The following MYO5B variants were observed in gnomAD, a reference collection of about 807,000 sequenced individuals.
MYO5B encodes the protein unconventional myosin-Vb.
A neutral mutation model predicts 229.3 loss-of-function variants in MYO5B; 143 were observed. The ratio of observed to expected loss-of-function variants is 0.62; its 90% CI spans 0.54 to 0.72. MYO5B has a LOEUF of 0.72. Ranked by LOEUF, MYO5B falls within the 30% of genes least tolerant of loss-of-function variation. MYO5B has a pLI of 0.00. For missense variants in MYO5B, 2,321 were observed against 2,331.0 expected, an observed-to-expected ratio of 1.00 and a Z score of 0.09; for synonymous variants, 918 against 885.2, an observed-to-expected ratio of 1.04 and a Z score of -0.66.
intron 1 of MYO5B, among the ~76,000 whole-genome samples, chr18:50,151,183 T>G (rs996384257): frequency 6.6e-6 from 1 of 152,128 alleles, no homozygotes; most frequent in African/African-American, 2.4e-5. Flanking sequence ...TTAATCCCAC[T>G]CCCACAGGAA....
At position 49,895,158 on chromosome 18, in the gene MYO5B, G is replaced by A; in HGVS notation, c.2828C>T (p.Thr943Ile). The A allele has an allele frequency of 1.2e-6, 2 of 1,614,022 alleles. No homozygotes were observed. The highest frequency in any genetic ancestry group is 1.7e-6 in the Non-Finnish European group (2 of 1,179,970). ...KIDEQNKEFK[T>I]LSEQLSVTTS... ...GGTCACGGACAACTGCTCTGAAAGT[G>A]TCTTGAACTCTTTGTTCTGTGGAGA... The change falls in exon 22 of 40, where the codon ACA (threonine) becomes ATA (isoleucine). Residue 943 changes from threonine to isoleucine, a missense_variant. Physicochemically the swap from Thr to Ile is moderately conservative, Grantham distance 89 (BLOSUM62 -1). This residue lies in a region of MYO5B where 2,113 missense variants were observed against 2,044.7 expected (regional missense o/e 1.03). Transcript: ENST00000285039.
intron 37 of MYO5B, 135 bp from the exon 38 acceptor site, chr18:49,837,020 G>A: frequency 2.3e-6 from 2 of 860,714 alleles, no homozygotes; most frequent in South Asian, 1.5e-5. Context: ...AGCATGGCAA[G>A]TGCCTTGCAC....
chr18:50,066,550 A>G (rs1265036765), intron 1 of MYO5B, among the ~76,000 whole-genome samples: 10 of 151,686 alleles, frequency 6.6e-5, no homozygotes. Context: ...AATGCTAAGA[A>G]TAGAGAAGAA....
At chr18:50,008,979 C>A (rs2144339014) in intron 4 of MYO5B, among the ~76,000 whole-genome samples, 1 of 152,196 alleles carries the variant, frequency 6.6e-6, no homozygotes, top group Admixed American at 6.5e-5. Context: ...TTCTGTCCAA[C>A]AAAGATACTT....
chr18:49,838,504 G>C (rs905622392), intron 36 of MYO5B, among the ~76,000 whole-genome samples: 1 of 152,196 alleles, frequency 6.6e-6, no homozygotes, highest in Admixed American at 6.5e-5. Context: ...TGTATTTCTA[G>C]ATTGGTCCTT....
intron 27 of MYO5B, among the ~76,000 whole-genome samples, chr18:49,866,291 G>A (rs556304698): frequency 6.6e-6 from 1 of 151,466 alleles, no homozygotes; most frequent in South Asian, 2.1e-4. Flanking sequence ...GGATGGTCTC[G>A]ATCTCCTGAC....
At chr18:50,082,952 C>A (rs1000771888) in intron 1 of MYO5B, among the ~76,000 whole-genome samples, 2 of 152,144 alleles carry the variant, frequency 1.3e-5, no homozygotes, top group Non-Finnish European at 2.9e-5. Flanking sequence ...CACCTGGAGA[C>A]CCCACAGATT....
intron 1 of MYO5B, among the ~76,000 whole-genome samples, chr18:50,161,523 G>C (rs560653244): frequency 6.6e-6 from 1 of 151,308 alleles, no homozygotes; most frequent in Non-Finnish European, 1.5e-5. Context: ...CTAGGGTTTC[G>C]GGGCGGGGTG....
At chr18:49,879,771 G>C (rs906067012) in intron 23 of MYO5B, among the ~76,000 whole-genome samples, 2 of 152,186 alleles carry the variant, frequency 1.3e-5, no homozygotes, top group Non-Finnish European at 2.9e-5. Flanking sequence ...CCACAGCCGA[G>C]TGGCACATGG....
intron 22 of MYO5B, among the ~76,000 whole-genome samples, chr18:49,882,004 G>T (rs988833390): frequency 6.6e-6 from 1 of 152,092 alleles, no homozygotes; most frequent in Non-Finnish European, 1.5e-5. Flanking sequence ...TCACCTTTGC[G>T]CTTGGATCCC....
intron 1 of MYO5B, among the ~76,000 whole-genome samples, chr18:50,117,280 A>C (rs1042256316): frequency 2.2e-4 from 33 of 152,294 alleles, no homozygotes; most frequent in African/African-American, 7.5e-4. Flanking sequence ...TCATTTAAAA[A>C]AAAAAATAGC....
chr18:50,009,390 A>G (rs760227716), intron 4 of MYO5B, among the ~76,000 whole-genome samples: 9 of 152,192 alleles, frequency 5.9e-5, no homozygotes, highest in African/African-American at 1.9e-4. Context: ...AACAACAACA[A>G]CAACAACTCA....
At chr18:50,183,434 G>C (rs1218473404) in intron 1 of MYO5B, among the ~76,000 whole-genome samples, 2 of 150,670 alleles carry the variant, frequency 1.3e-5, no homozygotes, top group Non-Finnish European at 2.9e-5. Flanking sequence ...TGATACCTAA[G>C]CTGGGCCTTT....
intron 4 of MYO5B, among the ~76,000 whole-genome samples, chr18:50,010,671 G>C (rs1023576487): frequency 1.3e-5 from 2 of 152,152 alleles, no homozygotes; most frequent in African/African-American, 4.8e-5. Context: ...AGCAACAGAG[G>C]CACGTGTTTC....
intron 1 of MYO5B, among the ~76,000 whole-genome samples, chr18:50,158,837 A>G (rs904960575): frequency 1.1e-4 from 17 of 152,204 alleles, no homozygotes; most frequent in African/African-American, 4.1e-4. Context: ...CACATTGTGG[A>G]AAGCTGTTGA....
rs187703220 is a variant in MYO5B, at chr18:50,146,428, G to A, written c.27+48339C>T. 3.3e-5 allele frequency among the ~76,000 whole-genome samples: 5 copies of A among 152,336 alleles called. No individual in the cohort carries two copies. In the East Asian group the frequency reaches 9.6e-4, roughly 29 times the overall value. On this transcript the variant is annotated intron_variant, in intron 1 of 39. Coordinates refer to ENST00000285039, the MANE Select transcript of MYO5B (RefSeq NM_001080467.3). ...AGATGACCTGACTGCCCGCTGGAGT[G>A]CCAGCAGCTTCAATTCAGTGCAGTC...
chr18:49,932,041 A>G (rs1349905634), intron 16 of MYO5B, among the ~76,000 whole-genome samples: 1 of 152,212 alleles, frequency 6.6e-6, no homozygotes, highest in Non-Finnish European at 1.5e-5. Flanking sequence ...GGGCTATGGG[A>G]CCAGCTGGAG....
chr18:50,115,735 C>T (rs760421843), intron 1 of MYO5B, among the ~76,000 whole-genome samples: 12 of 150,298 alleles, frequency 8.0e-5, no homozygotes, highest in South Asian at 4.2e-4. Context: ...TCCCCATTAC[C>T]GGATATCTGG....
chr18:49,937,499 C>T (rs1402183476), intron 14 of MYO5B, 102 bp from the exon 15 acceptor site: 6 of 1,394,496 alleles, frequency 4.3e-6, no homozygotes, highest in African/African-American at 1.4e-5. Context: ...ACGGAAAACA[C>T]ACATCCACGC....
Sources: gnomAD v4.1 joint callset for allele counts (sites outside exome capture counted in the v4.1 genomes callset) on GRCh38, gnomAD v4.1.1 for gene constraint, gnomAD v4.1.1 regional missense constraint, MANE v1.5 for transcripts, NCBI Gene and HGNC (gene_info 2026-07-23, HGNC 2026-07-21) for gene names.